ATF7IP2: variants seen among roughly 807,000 people sequenced by gnomAD.
The protein encoded by ATF7IP2 is activating transcription factor 7-interacting protein 2.
ATF7IP2 carries 42 observed loss-of-function variants against 64.2 expected under a neutral mutation model. That is an observed-to-expected ratio of 0.65 (90% CI 0.51 to 0.85). ATF7IP2 has a LOEUF of 0.85. Ranked by LOEUF, ATF7IP2 falls within the 40% of genes least tolerant of loss-of-function variation. ATF7IP2 has a pLI of 0.00. For synonymous variants in ATF7IP2, 308 were observed against 272.8 expected, an observed-to-expected ratio of 1.13 and a Z score of -1.27; for missense variants, 933 against 784.2, an observed-to-expected ratio of 1.19 and a Z score of -2.27.
intron 9 of ATF7IP2, among the ~76,000 whole-genome samples, chr16:10,467,669 C>T (rs74453235): frequency 2.6e-5 from 4 of 150,968 alleles, no homozygotes; most frequent in Admixed American, 6.6e-5. Flanking sequence ...ACAGTTCAAG[C>T]GATTCTCCTG....
At chr16:10,427,606 A>G (rs1053132243) in intron 3 of ATF7IP2, among the ~76,000 whole-genome samples, 1 of 152,244 alleles carries the variant, frequency 6.6e-6, no homozygotes, top group African/African-American at 2.4e-5. Context: ...ATGTAATCCC[A>G]GCACTTTGGG....
At chr16:10,474,036 T>G in intron 12 of ATF7IP2, 47 bp downstream of exon 12, 50 of 1,186,104 alleles carry the variant, frequency 4.2e-5, no homozygotes, top group Non-Finnish European at 5.6e-5. Flanking sequence ...GAGGGAAGGG[T>G]AACAACTCAT....
chr16:10,429,289 G>A (rs1415458332), intron 4 of ATF7IP2, among the ~76,000 whole-genome samples: 2 of 152,020 alleles, frequency 1.3e-5, no homozygotes, highest in African/African-American at 4.8e-5. Context: ...GGCATATTAG[G>A]GTCTTAATTA....
At chr16:10,424,729 A>G (rs1375129896) in intron 3 of ATF7IP2, among the ~76,000 whole-genome samples, 1 of 152,250 alleles carries the variant, frequency 6.6e-6, no homozygotes, top group Non-Finnish European at 1.5e-5. Flanking sequence ...CAAGAAGTAC[A>G]TGAAAAGATT....
chr16:10,435,737 C>T (rs2048398612), intron 6 of ATF7IP2, among the ~76,000 whole-genome samples: 3 of 152,190 alleles, frequency 2.0e-5, no homozygotes, highest in Admixed American at 2.0e-4. Context: ...ACTGCTTTCT[C>T]AAACGTACCT....
intron 7 of ATF7IP2, 119 bp downstream of exon 7, chr16:10,438,354 A>C (rs1532824): frequency 0.75 from 757,124 of 1,013,786 alleles, 284,181 homozygotes; most frequent in East Asian, 0.87. Context: ...AAGCAATCCT[A>C]CCACCTCAGT....
intron 1 of ATF7IP2, among the ~76,000 whole-genome samples, chr16:10,409,875 C>G (rs1004130903): frequency 1.3e-5 from 2 of 152,316 alleles, no homozygotes; most frequent in Admixed American, 6.5e-5. Flanking sequence ...TTTGTCAAAG[C>G]TCAGTTGACT....
chr16:10,399,391 AT>A (rs2141764679), intron 1 of ATF7IP2, among the ~76,000 whole-genome samples: 1 of 152,300 alleles, frequency 6.6e-6, no homozygotes, highest in Non-Finnish European at 1.5e-5. Context: ...ATTCAGTTTC[AT>A]TCTTATACAT....
chr16:10,467,562 T>C (rs187045173), intron 9 of ATF7IP2, among the ~76,000 whole-genome samples: 56 of 151,120 alleles, frequency 3.7e-4, no homozygotes, highest in African/African-American at 1.3e-3. Context: ...TAAAAGTGGA[T>C]AGAAAAATCA....
intron 2 of ATF7IP2, 61 bp downstream of exon 2, chr16:10,414,673 G>GC (rs2047836328): frequency 1.4e-5 from 2 of 144,678 alleles, no homozygotes; most frequent in East Asian, 2.0e-4. Flanking sequence ...TTGGGCGGGG[G>GC]GGTGGGGGAT....
At chr16:10,478,475 C>T (rs1484710107) in intron 12 of ATF7IP2, among the ~76,000 whole-genome samples, 1 of 152,164 alleles carries the variant, frequency 6.6e-6, no homozygotes, top group East Asian at 1.9e-4. Flanking sequence ...AACTGGATCC[C>T]TTCCTTACAC....
intron 1 of ATF7IP2, among the ~76,000 whole-genome samples, chr16:10,412,592 T>TA (rs2141819544): frequency 1.3e-5 from 2 of 152,350 alleles, no homozygotes; most frequent in South Asian, 4.1e-4. Flanking sequence ...TTTTGTAGCC[T>TA]ATGATATGAT....
At chr16:10,395,565 A>T (rs77932148) in intron 1 of ATF7IP2, among the ~76,000 whole-genome samples, 16,843 of 152,154 alleles carry the variant, frequency 0.11, 1,164 homozygotes, top group African/African-American at 0.18. Flanking sequence ...GTAATTTGAA[A>T]TTAACATAAA....
At chr16:10,478,520 C>A (rs1327290284) in intron 12 of ATF7IP2, among the ~76,000 whole-genome samples, 1 of 152,280 alleles carries the variant, frequency 6.6e-6, no homozygotes, top group African/African-American at 2.4e-5. Flanking sequence ...GGATTAAAGA[C>A]TTAAACGTTA....
intron 7 of ATF7IP2, among the ~76,000 whole-genome samples, chr16:10,438,660 A>G (rs1384239892): frequency 6.6e-6 from 1 of 152,220 alleles, no homozygotes; most frequent in African/African-American, 2.4e-5. Context: ...TAATGTGAGA[A>G]CATATCATAG....
At chr16:10,431,820 C>CTTTTTTTTT (rs35046235) in intron 5 of ATF7IP2, among the ~76,000 whole-genome samples, 18 of 113,296 alleles carry the variant, frequency 1.6e-4, no homozygotes, top group African/African-American at 3.6e-4. Context: ...AACCCTATTT[C>CTTTTTTTTT]TTTTTTTTTT....
chr16:10,423,497 C>T (rs530703999), intron 3 of ATF7IP2, among the ~76,000 whole-genome samples: 1 of 152,302 alleles, frequency 6.6e-6, no homozygotes, highest in African/African-American at 2.4e-5. Flanking sequence ...ATCACCCTCT[C>T]GTCTAGCTTG....
chr16:10,387,728 C>T (rs2047229735), intron 1 of ATF7IP2: 1 of 152,048 alleles, frequency 6.6e-6, no homozygotes, highest in African/African-American at 2.4e-5. Flanking sequence ...TAAAATACAA[C>T]TTTAAATGCG....
chr16:10,480,437 C>CTAAT (rs1029172807), intron 12 of ATF7IP2, among the ~76,000 whole-genome samples: 9 of 151,876 alleles, frequency 5.9e-5, no homozygotes, highest in African/African-American at 2.2e-4. Flanking sequence ...CATTTTATGC[C>CTAAT]TAATTCCTTC....
Sources: allele counts gnomAD v4.1 joint callset (sites outside exome capture counted in the v4.1 genomes callset), GRCh38; gene constraint gnomAD v4.1.1; transcripts MANE v1.5; gene names NCBI Gene and HGNC (gene_info 2026-07-23, HGNC 2026-07-21).